SOX5: variants seen among roughly 807,000 people sequenced by gnomAD.
SOX5 encodes transcription factor SOX-5.
A neutral mutation model predicts 92.0 loss-of-function variants in SOX5; 9 were observed. That is an observed-to-expected ratio of 0.10 (90% confidence interval 0.06 to 0.17). SOX5 has a LOEUF of 0.17. Ranked by LOEUF, SOX5 falls within the 10% of genes least tolerant of loss-of-function variation. SOX5 has a pLI of 1.00. For missense variants in SOX5, 642 were observed against 944.5 expected (o/e 0.68, Z 4.20); for synonymous variants, 344 against 336.3 (o/e 1.02, Z -0.25).
intron 4 of SOX5, among the ~76,000 whole-genome samples, chr12:24,168,955 A>C (rs575488000): frequency 2.5e-4 from 38 of 152,236 alleles, no homozygotes; most frequent in African/African-American, 8.7e-4. Context: ...TTATTACTAC[A>C]ACCCAACTTT....
upstream of SOX5, chr12:23,950,970 C>G: frequency 3.4e-6 from 3 of 887,814 alleles, no homozygotes; most frequent in Non-Finnish European, 5.2e-6. Flanking sequence ...ATTCTTCACA[C>G]ACGCATGCAC....
intron 3 of SOX5, among the ~76,000 whole-genome samples, chr12:23,790,933 C>T (rs531078858): frequency 7.9e-4 from 120 of 152,174 alleles, no homozygotes; most frequent in Non-Finnish European, 1.5e-3. Context: ...TACATTCTTG[C>T]AGCAAGTAAT....
At position 24,510,021 on chromosome 12, in the gene SOX5, G is replaced by A. The variant is rs1949160959; in HGVS notation, c.-251+52308C>T. The stretch of plus-strand genomic sequence containing the variant: ...TCTCTTCACTTAATCTGTATTAAGG[G>A]CTTCACAAACAGTTTTAAAAACAAA... On this transcript the variant is annotated intron_variant, in intron 1 of 4. Transcript: ENST00000446891. 2.0e-5 allele frequency among the ~76,000 whole-genome samples: 3 copies of A among 152,180 alleles called. No homozygotes were observed. The South Asian group carries it at 6.2e-4, about 32-fold the overall frequency.
chr12:24,113,580 T>C (rs1434791873), intron 4 of SOX5, among the ~76,000 whole-genome samples: 1 of 152,118 alleles, frequency 6.6e-6, no homozygotes, highest in Non-Finnish European at 1.5e-5. Context: ...TCTTCTCCAA[T>C]CTTTCAGAGA....
At chr12:24,253,571 G>T (rs955851) in intron 3 of SOX5, among the ~76,000 whole-genome samples, 1 of 152,118 alleles carries the variant, frequency 6.6e-6, no homozygotes, top group African/African-American at 2.4e-5. Flanking sequence ...AGAGGTGTGG[G>T]AAACCCCCAT....
chr12:23,969,755 C>G (rs1400222450), intron 4 of SOX5, among the ~76,000 whole-genome samples: 1 of 152,154 alleles, frequency 6.6e-6, no homozygotes, highest in Non-Finnish European at 1.5e-5. Flanking sequence ...AAAGTGATAG[C>G]TTTACATCGG....
chr12:23,865,561 G>T (rs2096801872), intron 2 of SOX5, among the ~76,000 whole-genome samples: 1 of 152,074 alleles, frequency 6.6e-6, no homozygotes, highest in Admixed American at 6.5e-5. Context: ...TGTAGTCCCA[G>T]CTACTCGGGA....
chr12:24,266,194 G>A (rs1368277660), intron 3 of SOX5, among the ~76,000 whole-genome samples: 1 of 151,976 alleles, frequency 6.6e-6, no homozygotes, highest in Non-Finnish European at 1.5e-5. Flanking sequence ...AATTACTAAA[G>A]GCTAAGCCAC....
intron 4 of SOX5, among the ~76,000 whole-genome samples, chr12:24,022,902 C>T (rs1343693448): frequency 2.8e-5 from 4 of 143,592 alleles, no homozygotes; most frequent in Admixed American, 2.2e-4. Flanking sequence ...GCGCCCCCAA[C>T]AAAACTTCTG....
At chr12:24,074,380 A>G (rs934429110) in intron 4 of SOX5, among the ~76,000 whole-genome samples, 20 of 148,718 alleles carry the variant, frequency 1.3e-4, no homozygotes, top group African/African-American at 4.7e-4. Flanking sequence ...TTAACTCAGG[A>G]AAAAAAAAAC....
intron 3 of SOX5, among the ~76,000 whole-genome samples, chr12:23,796,342 G>A (rs1312260657): frequency 2.0e-5 from 3 of 152,078 alleles, no homozygotes; most frequent in Non-Finnish European, 4.4e-5. Flanking sequence ...CTAAAGACCT[G>A]TAAGTATCCC....
At position 23,713,566 on chromosome 12, in the gene SOX5, T is replaced by C. The variant is rs186600370; in HGVS notation, c.810+21118A>G. On this transcript the variant is annotated intron_variant, in intron 6 of 14. Coordinates refer to ENST00000451604, the MANE Select transcript of SOX5 (RefSeq NM_006940.6). ...GGATGTTGATTCTGTTAGAATTATC[T>C]GAATCATTAATACTGTGGCATTATT... is the stretch of plus-strand genomic sequence containing the variant. Among the ~76,000 whole-genome samples, 102 of 152,112 alleles carry C rather than the reference T, an allele frequency of 6.7e-4. 1 individual carries two copies. The highest frequency in any genetic ancestry group is 2.2e-3 in the African/African-American group (93 of 41,534).
chr12:23,630,930 C>T (rs918480510), intron 8 of SOX5, among the ~76,000 whole-genome samples: 1 of 151,924 alleles, frequency 6.6e-6, no homozygotes, highest in Non-Finnish European at 1.5e-5. Context: ...TTTATCTTTC[C>T]TCTAATTATC....
At chr12:24,098,884 T>C (rs1945743520) in intron 4 of SOX5, among the ~76,000 whole-genome samples, 1 of 152,146 alleles carries the variant, frequency 6.6e-6, no homozygotes, top group African/African-American at 2.4e-5. Context: ...CTGGGTATCT[T>C]ATGTGCCCTC....
intron 4 of SOX5, among the ~76,000 whole-genome samples, chr12:24,196,910 AAAAAAC>A (rs890346653): frequency 1.3e-5 from 2 of 152,270 alleles, no homozygotes; most frequent in East Asian, 1.9e-4. Context: ...CTTGAAAAAC[AAAAAAC>A]AAAAACAAAA....
intron 4 of SOX5, among the ~76,000 whole-genome samples, chr12:23,979,710 T>TTG (rs1949339671): frequency 1.9e-5 from 2 of 102,950 alleles, no homozygotes; most frequent in Non-Finnish European, 3.9e-5. Flanking sequence ...TTTTTTTGTT[T>TTG]TTTTTTTTTT....
chr12:23,586,890 C>T (rs569082754), intron 9 of SOX5, among the ~76,000 whole-genome samples: 1 of 150,700 alleles, frequency 6.6e-6, no homozygotes, highest in South Asian at 2.1e-4. Context: ...ATAAAAGGCA[C>T]AGTATAGGTC....
At chr12:24,471,905 A>G (rs1944860308) in intron 1 of SOX5, among the ~76,000 whole-genome samples, 1 of 152,092 alleles carries the variant, frequency 6.6e-6, no homozygotes, top group South Asian at 2.1e-4. Flanking sequence ...GATCTAAACC[A>G]GACAAAACAA....
chr12:24,187,108 C>T (rs1175568126), intron 4 of SOX5, among the ~76,000 whole-genome samples: 1 of 152,152 alleles, frequency 6.6e-6, no homozygotes, highest in African/African-American at 2.4e-5. Context: ...CATGGAAGCA[C>T]AATCAGTCCC....
Sources: gnomAD v4.1 joint callset for allele counts (sites outside exome capture counted in the v4.1 genomes callset) on GRCh38, gnomAD v4.1.1 for gene constraint, MANE v1.5 for transcripts, NCBI Gene and HGNC (gene_info 2026-07-23, HGNC 2026-07-21) for gene names.